The following PTPRD variants were observed in gnomAD, a reference collection of about 807,000 sequenced individuals.
PTPRD encodes the protein receptor-type tyrosine-protein phosphatase delta.
Under a neutral mutation model 214.5 loss-of-function variants are expected in PTPRD, and 34 were observed. The observed-to-expected ratio is 0.16, with a 90% CI of 0.12 to 0.21. PTPRD has a LOEUF of 0.21. Among genes scored for constraint, PTPRD ranks in the 10% least tolerant of loss-of-function variants. The pLI, the probability that PTPRD is intolerant of heterozygous loss-of-function variation, is 1.00. For missense variants in PTPRD, 2,545 were observed against 2,398.7 expected, an observed-to-expected ratio of 1.06 and a Z score of -1.27; for synonymous variants, 1,128 against 845.7, an observed-to-expected ratio of 1.33 and a Z score of -5.79.
intron 14 of PTPRD, among the ~76,000 whole-genome samples, chr9:8,625,285 T>C (rs1003367043): frequency 6.6e-6 from 1 of 152,000 alleles, no homozygotes; most frequent in South Asian, 2.1e-4. Context: ...AGTTAATAAC[T>C]AGCTTTATTA....
chr9:8,654,932 C>A (rs1015695781), intron 12 of PTPRD, among the ~76,000 whole-genome samples: 1 of 152,104 alleles, frequency 6.6e-6, no homozygotes, highest in Non-Finnish European at 1.5e-5. Context: ...TTCCCTGTAG[C>A]ATCTTCATCA....
At position 9,750,072 on chromosome 9, in the gene PTPRD, A is replaced by T. The variant is rs186558919; in HGVS notation, c.-325-15501T>A. 3.3e-5 allele frequency among the ~76,000 whole-genome samples: 5 copies of T among 152,284 alleles called. No homozygotes were observed. In the East Asian group the frequency reaches 5.8e-4, roughly 18 times the overall value. The stretch of plus-strand genomic sequence containing the variant: ...ACGAAAAATAAACTTTTATATGATT[A>T]ATGTAAAGCAGTTTTACTTAACATT... On this transcript the variant is annotated intron_variant, in intron 6 of 45. Transcript: ENST00000381196.
intron 11 of PTPRD, among the ~76,000 whole-genome samples, chr9:8,972,637 T>C (rs572285437): frequency 6.6e-6 from 1 of 152,082 alleles, no homozygotes; most frequent in East Asian, 1.9e-4. Flanking sequence ...CATTATCTCA[T>C]TTAATTCTTA....
At chr9:10,008,510 T>A (rs866326942) in intron 4 of PTPRD, among the ~76,000 whole-genome samples, 2 of 152,040 alleles carry the variant, frequency 1.3e-5, no homozygotes, top group African/African-American at 4.8e-5. Context: ...ATGGGATATA[T>A]GTAACATGCA....
At chr9:9,001,915 T>G (rs1424102452) in intron 11 of PTPRD, among the ~76,000 whole-genome samples, 1 of 151,164 alleles carries the variant, frequency 6.6e-6, no homozygotes, top group Admixed American at 6.6e-5. Context: ...TAAGCACCTA[T>G]CTAGTTTCTG....
At chr9:10,153,508 A>T (rs1485405406) in intron 3 of PTPRD, among the ~76,000 whole-genome samples, 1 of 150,494 alleles carries the variant, frequency 6.6e-6, no homozygotes, top group Non-Finnish European at 1.5e-5. Flanking sequence ...ATTTTTATAT[A>T]TTATATATAT....
At chr9:10,600,679 A>G (rs1322471573) in intron 2 of PTPRD, among the ~76,000 whole-genome samples, 3 of 151,804 alleles carry the variant, frequency 2.0e-5, no homozygotes, top group Admixed American at 2.0e-4. Flanking sequence ...GCTGGGAAAC[A>G]ACAGAAAACT....
At chr9:10,346,853 G>A (rs998915971) in intron 2 of PTPRD, among the ~76,000 whole-genome samples, 2 of 152,140 alleles carry the variant, frequency 1.3e-5, no homozygotes, top group Non-Finnish European at 2.9e-5. Context: ...AGGCCTTACA[G>A]CAAGGGTCAT....
intron 39 of PTPRD, among the ~76,000 whole-genome samples, chr9:8,353,567 G>C (rs1218516967): frequency 1.3e-5 from 2 of 151,924 alleles, no homozygotes; most frequent in Non-Finnish European, 2.9e-5. Flanking sequence ...TGAGTAGCTG[G>C]GATTACTGGC....
rs1315155697 is a variant in PTPRD, at chr9:10,057,841, C to CA, written c.-544-24052dup. 3.1e-3 allele frequency among the ~76,000 whole-genome samples: 218 copies of CA among 70,152 alleles called. 2 individuals carry two copies. Among genetic ancestry groups the CA allele is most frequent in the African/African-American group, 0.012 (132 of 11,100 alleles). 46.0% of individuals were successfully genotyped at this position (70,152 alleles called of 152,430 possible). ...TGGGCAACAGAGTGAGACTCCGTCT[C>CA]AAAAAAAAACAAAAAAAAAACAAAA... On this transcript the variant is annotated intron_variant, in intron 3 of 45. Transcript: ENST00000381196.
At chr9:10,330,852 T>C (rs76788166) in intron 3 of PTPRD, among the ~76,000 whole-genome samples, 4,409 of 151,888 alleles carry the variant, frequency 0.029, 290 homozygotes, top group Admixed American at 0.16. Flanking sequence ...CTTCTCAAAT[T>C]TGCATCAAGT....
At chr9:10,319,119 T>C (rs906667252) in intron 3 of PTPRD, among the ~76,000 whole-genome samples, 1 of 152,124 alleles carries the variant, frequency 6.6e-6, no homozygotes, top group East Asian at 1.9e-4. Context: ...CTGTGTCTAT[T>C]GGCAAGACAC....
chr9:9,619,246 A>G (rs2095088189), intron 7 of PTPRD, among the ~76,000 whole-genome samples: 1 of 151,992 alleles, frequency 6.6e-6, no homozygotes, highest in African/African-American at 2.4e-5. Flanking sequence ...GTTTAAGATT[A>G]TAGACTTGCA....
chr9:9,244,502 T>C (rs952124862), intron 9 of PTPRD, among the ~76,000 whole-genome samples: 11 of 152,274 alleles, frequency 7.2e-5, no homozygotes, highest in Admixed American at 5.9e-4. Context: ...AACTATCTGA[T>C]CTTTGACAAA....
rs909952664 is a variant in PTPRD, at chr9:9,299,817, G to T, written c.-203+97632C>A. ...GGGATGAGGGAAAAGACACATATGT[G>T]GGATGAGGGAAACCAAAGTCTTTAT... On this transcript the variant is annotated intron_variant, in intron 9 of 45. Transcript: ENST00000381196. Among the ~76,000 whole-genome samples the T allele has an allele frequency of 2.0e-5, 3 of 151,248 alleles. No homozygotes were observed. The Admixed American group carries it at 2.0e-4, about 10-fold the overall frequency.
chr9:9,646,161 G>C (rs920179600), intron 7 of PTPRD, among the ~76,000 whole-genome samples: 1 of 152,150 alleles, frequency 6.6e-6, no homozygotes, highest in African/African-American at 2.4e-5. Flanking sequence ...TACATATTTA[G>C]AAGTTTGTTT....
chr9:10,462,045 A>G (rs1169765870), intron 2 of PTPRD, among the ~76,000 whole-genome samples: 2 of 152,178 alleles, frequency 1.3e-5, no homozygotes, highest in Non-Finnish European at 2.9e-5. Flanking sequence ...CAATCGATAC[A>G]AAGTATCAAA....
chr9:9,184,093 T>G (rs2099929920), intron 9 of PTPRD, among the ~76,000 whole-genome samples: 1 of 152,142 alleles, frequency 6.6e-6, no homozygotes, highest in South Asian at 2.1e-4. Flanking sequence ...CATATTAAAC[T>G]CTTATTCCTC....
At chr9:9,871,829 T>TG (rs1351405711) in intron 5 of PTPRD, among the ~76,000 whole-genome samples, 2 of 152,110 alleles carry the variant, frequency 1.3e-5, no homozygotes, top group African/African-American at 2.4e-5. Flanking sequence ...GAAAGGGGCC[T>TG]GGGGGGAGGG....
Sources: allele counts gnomAD v4.1 joint callset (sites outside exome capture counted in the v4.1 genomes callset), GRCh38; gene constraint gnomAD v4.1.1; transcripts MANE v1.5; gene names NCBI Gene and HGNC (gene_info 2026-07-23, HGNC 2026-07-21).